ENPP2: variants seen among roughly 807,000 people sequenced by gnomAD.
ENPP2 encodes the protein autotaxin.
ENPP2 carries 51 observed loss-of-function variants against 120.2 expected under a neutral mutation model. The ratio of observed to expected loss-of-function variants is 0.42; its 90% confidence interval spans 0.34 to 0.54. The LOEUF (loss-of-function observed/expected upper bound fraction) is 0.54. ENPP2 is among the 20% of genes least tolerant of loss of function. The probability of loss-of-function intolerance (pLI) is 0.04; values close to 1 mark genes in which losing one functional copy is unlikely to be tolerated. For synonymous variants in ENPP2, 365 were observed against 366.4 expected, an observed-to-expected ratio of 1.00 and a Z score of 0.04; for missense variants, 920 against 1,066.5, an observed-to-expected ratio of 0.86 and a Z score of 1.91.
rs543892859 is a variant in ENPP2, at chr8:119,599,307, G to A, written c.972+1371C>T. Among the ~76,000 whole-genome samples, 138 of 152,240 alleles carry A rather than the reference G, an allele frequency of 9.1e-4. 1 individual carries two copies. The highest frequency in any genetic ancestry group is 3.2e-3 in the African/African-American group (132 of 41,548). ...TGCTTAAATAAATCACCTCTGAATT[G>A]ATGTCAAAGCATTCAGAAACACTTA... On this transcript the variant is annotated intron_variant, in intron 11 of 24. Coordinates refer to ENST00000075322, the MANE Select transcript of ENPP2 (RefSeq NM_001040092.3).
At chr8:119,572,469 A>G (rs969992963) in intron 19 of ENPP2, among the ~76,000 whole-genome samples, 2 of 152,146 alleles carry the variant, frequency 1.3e-5, no homozygotes, top group African/African-American at 4.8e-5. Context: ...GTCTCTACTA[A>G]CTCTGGCTCT....
chr8:119,662,882 G>A (rs188796341), intron 1 of ENPP2, among the ~76,000 whole-genome samples: 43 of 152,246 alleles, frequency 2.8e-4, no homozygotes, highest in Admixed American at 2.2e-3. Flanking sequence ...AGGCCAAGGC[G>A]GGAGGATCAC....
intron 3 of ENPP2, among the ~76,000 whole-genome samples, chr8:119,624,484 A>G (rs1228028550): frequency 6.6e-6 from 1 of 152,124 alleles, no homozygotes; most frequent in East Asian, 1.9e-4. Context: ...TTTAAATTTA[A>G]AAAAAATGCA....
chr8:119,567,098 A>G (rs1814519664), intron 22 of ENPP2, among the ~76,000 whole-genome samples: 1 of 152,162 alleles, frequency 6.6e-6, no homozygotes, highest in Admixed American at 6.5e-5. Context: ...GTTACATAAC[A>G]CAGCCTGAAC....
intron 8 of ENPP2, among the ~76,000 whole-genome samples, chr8:119,610,026 A>G (rs1315470487): frequency 6.6e-6 from 1 of 152,246 alleles, no homozygotes; most frequent in African/African-American, 2.4e-5. Flanking sequence ...AGAGGTCTTT[A>G]CAGTGTCAAA....
intron 3 of ENPP2, 67 bp from the exon 4 acceptor site, chr8:119,621,586 T>C: frequency 6.5e-7 from 1 of 1,538,620 alleles, no homozygotes; most frequent in Non-Finnish European, 8.9e-7. Context: ...CCACAATTGC[T>C]TACAGGATTT....
intron 11 of ENPP2, among the ~76,000 whole-genome samples, chr8:119,594,809 T>A (rs1813774406): frequency 7.0e-6 from 1 of 143,354 alleles, no homozygotes; most frequent in African/African-American, 3.0e-5. Flanking sequence ...CCAAGATGAT[T>A]AAGATAAGAA....
chr8:119,623,782 T>A (rs948158889), intron 3 of ENPP2, among the ~76,000 whole-genome samples: 6 of 151,940 alleles, frequency 3.9e-5, no homozygotes, highest in African/African-American at 1.5e-4. Context: ...CCTCCCCCCA[T>A]GCCTGGGTAA....
At chr8:119,624,055 T>C (rs1409168696) in intron 3 of ENPP2, among the ~76,000 whole-genome samples, 1 of 152,184 alleles carries the variant, frequency 6.6e-6, no homozygotes, top group Non-Finnish European at 1.5e-5. Context: ...TGACTCTAGA[T>C]ATTGTGGGGT....
At chr8:119,629,063 T>C (rs760200563) in intron 2 of ENPP2, among the ~76,000 whole-genome samples, 1 of 152,186 alleles carries the variant, frequency 6.6e-6, no homozygotes, top group Non-Finnish European at 1.5e-5. Flanking sequence ...TGCGTGTGGG[T>C]ATGTATATTT....
chr8:119,659,334 A>AAAAAAACAAAAAC (rs58435393), intron 1 of ENPP2, among the ~76,000 whole-genome samples: 1 of 130,740 alleles, frequency 7.6e-6, no homozygotes, highest in South Asian at 2.9e-4. Context: ...AAAAAAAAAA[A>AAAAAAACAAAAAC]AAACCAGAGT....
At chr8:119,600,650 C>T (rs774140891) in intron 11 of ENPP2, 28 bp downstream of exon 11, 98 of 1,459,842 alleles carry the variant, frequency 6.7e-5, no homozygotes, top group Non-Finnish European at 9.3e-5. Context: ...GCCACAGATT[C>T]TTCTCAGGCA....
chr8:119,579,115 C>T (rs536410828), intron 19 of ENPP2, among the ~76,000 whole-genome samples: 2 of 152,322 alleles, frequency 1.3e-5, no homozygotes, highest in South Asian at 2.1e-4. Flanking sequence ...GTTATCCCAT[C>T]TACTTTAGTA....
At chr8:119,589,180 G>A (rs902762452) in intron 13 of ENPP2, among the ~76,000 whole-genome samples, 1 of 152,128 alleles carries the variant, frequency 6.6e-6, no homozygotes, top group African/African-American at 2.4e-5. Flanking sequence ...TCTAAATTAT[G>A]TAAACACAAT....
intron 2 of ENPP2, among the ~76,000 whole-genome samples, chr8:119,633,623 T>G (rs1229161057): frequency 2.0e-5 from 3 of 152,038 alleles, no homozygotes; most frequent in Non-Finnish European, 4.4e-5. Context: ...GTTCGTTCTT[T>G]CTGGTCATAC....
intron 19 of ENPP2, chr8:119,572,315 G>T: frequency 8.4e-7 from 1 of 1,189,792 alleles, no homozygotes; most frequent in Non-Finnish European, 1.2e-6. Context: ...AGTTTTCATG[G>T]TTACCACACA....
chr8:119,643,891 C>T (rs772793537), intron 1 of ENPP2, among the ~76,000 whole-genome samples: 1 of 151,944 alleles, frequency 6.6e-6, no homozygotes, highest in Non-Finnish European at 1.5e-5. Context: ...AGTGAGTAAC[C>T]AGATTAAGAA....
chr8:119,599,362 G>A (rs1371254414), intron 11 of ENPP2, among the ~76,000 whole-genome samples: 2 of 152,064 alleles, frequency 1.3e-5, no homozygotes, highest in Non-Finnish European at 2.9e-5. Context: ...TGCAAGTATT[G>A]TCAAAATACT....
chr8:119,600,415 GA>G (rs1362263784), intron 11 of ENPP2, among the ~76,000 whole-genome samples: 3 of 152,132 alleles, frequency 2.0e-5, no homozygotes, highest in Non-Finnish European at 2.9e-5. Flanking sequence ...CACAAGGCTA[GA>G]ATACACCCCA....
Sources: gnomAD v4.1 joint callset for allele counts (sites outside exome capture counted in the v4.1 genomes callset) on GRCh38, gnomAD v4.1.1 for gene constraint, MANE v1.5 for transcripts, NCBI Gene and HGNC (gene_info 2026-07-23, HGNC 2026-07-21) for gene names.